Variants in CTDSPL2 observed in about 807,000 individuals in gnomAD.
CTDSPL2 encodes the protein CTD small phosphatase like 2, also known as CTD small phosphatase-like protein 2.
CTDSPL2 carries 5 observed loss-of-function variants against 60.0 expected under a neutral mutation model. The observed-to-expected ratio is 0.08, with a 90% CI of 0.04 to 0.18. The LOEUF is 0.18. Ranked by LOEUF, CTDSPL2 falls within the 10% of genes least tolerant of loss-of-function variation. CTDSPL2 has a pLI of 1.00. For synonymous variants in CTDSPL2, 186 were observed against 189.3 expected, an observed-to-expected ratio of 0.98 and a Z score of 0.14; for missense variants, 370 against 548.8, an observed-to-expected ratio of 0.67 and a Z score of 3.26.
chr15:44,485,496 G>A (rs779078942), intron 3 of CTDSPL2, among the ~76,000 whole-genome samples: 1 of 152,084 alleles, frequency 6.6e-6, no homozygotes, highest in Non-Finnish European at 1.5e-5. Flanking sequence ...CATAAGGATC[G>A]CACAACCTAG....
intron 2 of CTDSPL2, among the ~76,000 whole-genome samples, chr15:44,480,760 G>A (rs545644780): frequency 5.3e-5 from 8 of 151,918 alleles, no homozygotes; most frequent in Non-Finnish European, 8.8e-5. Flanking sequence ...TTGAGCTTAC[G>A]AGTTTGAGGC....
At chr15:44,476,322 T>TC (rs1258138510) in intron 2 of CTDSPL2, among the ~76,000 whole-genome samples, 2 of 152,062 alleles carry the variant, frequency 1.3e-5, no homozygotes, top group Non-Finnish European at 2.9e-5. Flanking sequence ...CGCCCTGGCC[T>TC]CCCAAAGTGC....
chr15:44,475,748 C>T (rs1298488240), intron 2 of CTDSPL2, among the ~76,000 whole-genome samples: 1 of 151,964 alleles, frequency 6.6e-6, no homozygotes, highest in African/African-American at 2.4e-5. Context: ...GTATTAAATT[C>T]CTTTTTAAAA....
chr15:44,515,292 A>G (rs1410668137), intron 10 of CTDSPL2, among the ~76,000 whole-genome samples: 7 of 152,238 alleles, frequency 4.6e-5, no homozygotes, highest in Non-Finnish European at 7.3e-5. Context: ...CCATGGAAAG[A>G]AAATGTTACA....
At position 44,465,194 on chromosome 15, in the gene CTDSPL2, A is replaced by T. The variant is rs8028262; in HGVS notation, c.186+5994A>T. Among the ~76,000 whole-genome samples the T allele has an allele frequency of 2.2e-3, 342 of 152,320 alleles. 2 individuals carry two copies. Among genetic ancestry groups the T allele is most frequent in the African/African-American group, 7.9e-3 (330 of 41,576 alleles). ...GATTTATGAAATTATCAGCAAGATT[A>T]TTCAGGAATTGTTCGTGTGCAGCCT... On this transcript the variant is annotated intron_variant, in intron 2 of 12. Coordinates refer to ENST00000260327, the MANE Select transcript of CTDSPL2 (RefSeq NM_016396.3).
intron 3 of CTDSPL2, among the ~76,000 whole-genome samples, chr15:44,485,719 G>A (rs1001517668): frequency 1.3e-5 from 2 of 152,142 alleles, no homozygotes; most frequent in Admixed American, 1.3e-4. Flanking sequence ...CTGTTTTAAC[G>A]AATGCTATCT....
chr15:44,486,295 G>C (rs912956434), intron 3 of CTDSPL2, among the ~76,000 whole-genome samples: 2 of 152,170 alleles, frequency 1.3e-5, no homozygotes, highest in African/African-American at 4.8e-5. Context: ...AAGCCTTTCA[G>C]TCTATAGGTG....
chr15:44,444,575 A>G (rs1044779689), intron 1 of CTDSPL2, among the ~76,000 whole-genome samples: 10 of 151,608 alleles, frequency 6.6e-5, no homozygotes, highest in Non-Finnish European at 1.2e-4. Context: ...TGAACTCCTG[A>G]GCTCAGGCGA....
chr15:44,489,370 A>G (rs2081179453), intron 4 of CTDSPL2, among the ~76,000 whole-genome samples: 1 of 152,118 alleles, frequency 6.6e-6, no homozygotes, highest in African/African-American at 2.4e-5. Flanking sequence ...TTTAAGTGAT[A>G]CACCACGAAG....
chr15:44,508,693 C>T (rs1402414114), intron 8 of CTDSPL2, among the ~76,000 whole-genome samples: 4 of 152,104 alleles, frequency 2.6e-5, no homozygotes, highest in Non-Finnish European at 5.9e-5. Flanking sequence ...GAGGCTGAGG[C>T]GGGTGGATCA....
intron 1 of CTDSPL2, among the ~76,000 whole-genome samples, chr15:44,452,569 C>T (rs1474923529): frequency 1.3e-5 from 2 of 152,036 alleles, no homozygotes; most frequent in African/African-American, 2.4e-5. Context: ...GAAGTGAAAT[C>T]AGTGAGTCAA....
At chr15:44,524,027 TCTGCAAG>T (rs2081833810) in intron 12 of CTDSPL2, 75 bp from the exon 13 acceptor site, 5 of 1,066,146 alleles carry the variant, frequency 4.7e-6, no homozygotes. Flanking sequence ...GTATGTTTTC[TCTGCAAG>T]GTAAGAATGT....
At chr15:44,439,281 T>C (rs1646614407) in intron 1 of CTDSPL2, among the ~76,000 whole-genome samples, 1 of 152,012 alleles carries the variant, frequency 6.6e-6, no homozygotes, top group South Asian at 2.1e-4. Flanking sequence ...CCCGAGTAGC[T>C]GGGACTACAG....
intron 1 of CTDSPL2, among the ~76,000 whole-genome samples, chr15:44,440,884 G>C (rs1038666190): frequency 4.6e-5 from 7 of 152,140 alleles, no homozygotes; most frequent in African/African-American, 1.7e-4. Flanking sequence ...CTGAGTTTCT[G>C]TTTTGTTGTT....
intron 8 of CTDSPL2, among the ~76,000 whole-genome samples, chr15:44,513,240 C>CT (rs1018905589): frequency 2.0e-5 from 3 of 152,002 alleles, no homozygotes; most frequent in South Asian, 2.1e-4. Context: ...CCAAGACGGG[C>CT]GGATCACCTG....
chr15:44,504,713 A>C (rs926494752), intron 8 of CTDSPL2, among the ~76,000 whole-genome samples: 13 of 151,794 alleles, frequency 8.6e-5, no homozygotes, highest in Non-Finnish European at 5.9e-5. Context: ...CCTTCCAAAA[A>C]AAAAAAATTA....
At chr15:44,454,429 A>G (rs1275171652) in intron 1 of CTDSPL2, among the ~76,000 whole-genome samples, 1 of 152,100 alleles carries the variant, frequency 6.6e-6, no homozygotes, top group African/African-American at 2.4e-5. Context: ...TCTTTAGTTT[A>G]ACTAGATCCC....
At chr15:44,510,518 A>G (rs1384020404) in intron 8 of CTDSPL2, among the ~76,000 whole-genome samples, 1 of 152,164 alleles carries the variant, frequency 6.6e-6, no homozygotes, top group Non-Finnish European at 1.5e-5. Flanking sequence ...TTGTACTATA[A>G]ATAAAATATT....
chr15:44,469,921 C>A (rs536815199), intron 2 of CTDSPL2, among the ~76,000 whole-genome samples: 2 of 152,020 alleles, frequency 1.3e-5, no homozygotes, highest in African/African-American at 2.4e-5. Flanking sequence ...CACAGTGAAA[C>A]CCTGTCTCTA....
Sources: gnomAD v4.1 joint callset for allele counts (sites outside exome capture counted in the v4.1 genomes callset) on GRCh38, gnomAD v4.1.1 for gene constraint, MANE v1.5 for transcripts, NCBI Gene and HGNC (gene_info 2026-07-23, HGNC 2026-07-21) for gene names.